Variants in RBFOX1 observed in about 807,000 individuals in gnomAD.
RBFOX1 encodes RNA binding fox-1 homolog 1.
RBFOX1 carries 8 observed loss-of-function variants against 57.7 expected under a neutral mutation model. That is an observed-to-expected ratio of 0.14 (90% CI 0.08 to 0.25). The LOEUF is 0.25. Among genes scored for constraint, RBFOX1 ranks in the 10% least tolerant of loss-of-function variants. The pLI, the probability that RBFOX1 is intolerant of heterozygous loss-of-function variation, is 1.00. For missense variants in RBFOX1, 611 were observed against 548.5 expected (o/e 1.11, Z -1.14); for synonymous variants, 326 against 222.4 (o/e 1.47, Z -4.15).
At chr16:7,404,948 CA>C (rs1406904307) in intron 4 of RBFOX1, among the ~76,000 whole-genome samples, 1 of 152,158 alleles carries the variant, frequency 6.6e-6, no homozygotes, top group Non-Finnish European at 1.5e-5. Context: ...CCTCGTTTCT[CA>C]TGTCTACTCC....
At chr16:6,807,057 C>T (rs553257423) in intron 3 of RBFOX1, among the ~76,000 whole-genome samples, 22 of 151,784 alleles carry the variant, frequency 1.4e-4, no homozygotes, top group African/African-American at 5.3e-4. Flanking sequence ...TGGTCTTGAA[C>T]TCCTGACCTC....
At chr16:6,872,590 A>G (rs958102157) in intron 3 of RBFOX1, among the ~76,000 whole-genome samples, 2 of 152,154 alleles carry the variant, frequency 1.3e-5, no homozygotes, top group African/African-American at 4.8e-5. Flanking sequence ...TTGGAACGGC[A>G]ACAAAACACC....
chr16:7,318,466 C>G (rs184845279), intron 4 of RBFOX1, among the ~76,000 whole-genome samples: 1 of 152,258 alleles, frequency 6.6e-6, no homozygotes, highest in Non-Finnish European at 1.5e-5. Flanking sequence ...TGGTTCAAGT[C>G]TACCACTTAC....
chr16:6,445,312 A>G (rs2256592), intron 2 of RBFOX1, among the ~76,000 whole-genome samples: 87,742 of 151,946 alleles, frequency 0.58, 25,748 homozygotes, highest in East Asian at 0.67. Context: ...ATATGTATAC[A>G]TGTGCCATGA....
chr16:6,614,706 G>C (rs1265268007), intron 2 of RBFOX1, among the ~76,000 whole-genome samples: 1 of 152,016 alleles, frequency 6.6e-6, no homozygotes, highest in Non-Finnish European at 1.5e-5. Flanking sequence ...CGGCTTATGG[G>C]TCTATCACTC....
intron 4 of RBFOX1, among the ~76,000 whole-genome samples, chr16:5,957,697 A>C (rs575089321): frequency 2.4e-4 from 37 of 152,246 alleles, no homozygotes; most frequent in African/African-American, 8.9e-4. Context: ...GGTACACAGC[A>C]GGTGTGTATA....
intron 4 of RBFOX1, among the ~76,000 whole-genome samples, chr16:7,479,955 C>G (rs1402131495): frequency 2.0e-4 from 31 of 152,170 alleles, no homozygotes; most frequent in Non-Finnish European, 1.5e-5. Context: ...TAGGAAAAGG[C>G]AAATGTTGGG....
At chr16:6,444,807 G>T (rs1043663941) in intron 2 of RBFOX1, among the ~76,000 whole-genome samples, 4 of 152,142 alleles carry the variant, frequency 2.6e-5, no homozygotes, top group African/African-American at 9.7e-5. Flanking sequence ...TTGTTAGTGG[G>T]TAAAATGCAG....
At chr16:6,887,699 G>T (rs1014189729) in intron 3 of RBFOX1, among the ~76,000 whole-genome samples, 13 of 149,324 alleles carry the variant, frequency 8.7e-5, no homozygotes, top group Non-Finnish European at 1.3e-4. Flanking sequence ...GTCTCACTCT[G>T]TCACCCAGGT....
At chr16:7,617,693 C>CGCT (rs1472881430) in intron 10 of RBFOX1, among the ~76,000 whole-genome samples, 3 of 152,102 alleles carry the variant, frequency 2.0e-5, no homozygotes, top group Non-Finnish European at 4.4e-5. Context: ...TAGTATCGGG[C>CGCT]GCTAGACACT....
intron 3 of RBFOX1, among the ~76,000 whole-genome samples, chr16:6,757,572 C>T (rs1168716945): frequency 6.6e-6 from 1 of 152,038 alleles, no homozygotes; most frequent in Admixed American, 6.6e-5. Context: ...GACATGTTCT[C>T]ATTCATATGT....
At chr16:7,638,656 C>T (rs190942431) in intron 11 of RBFOX1, among the ~76,000 whole-genome samples, 2 of 152,298 alleles carry the variant, frequency 1.3e-5, no homozygotes, top group East Asian at 3.9e-4. Flanking sequence ...GCTTTACAGG[C>T]CATCTAGCCT....
chr16:7,059,354 G>T (rs575085472), intron 4 of RBFOX1, among the ~76,000 whole-genome samples: 1 of 152,124 alleles, frequency 6.6e-6, no homozygotes. Context: ...AGGATGGTTC[G>T]TTGTAGAAAT....
intron 3 of RBFOX1, among the ~76,000 whole-genome samples, chr16:6,678,285 T>C (rs1188116863): frequency 6.6e-6 from 1 of 152,022 alleles, no homozygotes; most frequent in African/African-American, 2.4e-5. Flanking sequence ...CCACCACACA[T>C]GGCTAATTTT....
At chr16:5,889,538 TA>T (rs1462105603) in intron 4 of RBFOX1, among the ~76,000 whole-genome samples, 1 of 152,266 alleles carries the variant, frequency 6.6e-6, no homozygotes, top group East Asian at 1.9e-4. Flanking sequence ...CATGTGTGTG[TA>T]CCTTTATAAT....
intron 4 of RBFOX1, among the ~76,000 whole-genome samples, chr16:7,111,339 C>T (rs748219613): frequency 3.9e-5 from 6 of 152,272 alleles, no homozygotes; most frequent in Non-Finnish European, 7.4e-5. Flanking sequence ...ACTTTGCAGA[C>T]GGAGCTGAGC....
chr16:5,998,905 C>G (rs2060537564), intron 4 of RBFOX1, among the ~76,000 whole-genome samples: 1 of 152,060 alleles, frequency 6.6e-6, no homozygotes, highest in African/African-American at 2.4e-5. Context: ...TGGATTTTTT[C>G]TAATTTTTTA....
intron 4 of RBFOX1, among the ~76,000 whole-genome samples, chr16:7,200,408 C>G (rs368071353): frequency 7.9e-5 from 12 of 152,196 alleles, no homozygotes; most frequent in East Asian, 7.7e-4. Flanking sequence ...ATATAACCCA[C>G]AACTGTGCTC....
chr16:6,913,146 T>C (rs975016818), intron 3 of RBFOX1, among the ~76,000 whole-genome samples: 2 of 152,148 alleles, frequency 1.3e-5, no homozygotes, highest in Non-Finnish European at 2.9e-5. Context: ...ACACGTTTTT[T>C]TGTTTTGTTT....
Sources: gnomAD v4.1 joint callset for allele counts (sites outside exome capture counted in the v4.1 genomes callset) on GRCh38, gnomAD v4.1.1 for gene constraint, MANE v1.5 for transcripts, NCBI Gene and HGNC (gene_info 2026-07-23, HGNC 2026-07-21) for gene names.